The following SLC5A4 variants were observed in gnomAD, a reference collection of about 807,000 sequenced individuals.
SLC5A4 encodes the protein probable glucose sensor protein SLC5A4.
SLC5A4 carries 55 observed loss-of-function variants against 70.3 expected under a neutral mutation model. The observed-to-expected ratio is 0.78, with a 90% confidence interval of 0.63 to 0.98. SLC5A4 has a LOEUF of 0.98. Among genes scored for constraint, SLC5A4 ranks in the 50% least tolerant of loss-of-function variants. The pLI is 0.00. For missense variants in SLC5A4, 735 were observed against 839.2 expected, an observed-to-expected ratio of 0.88 and a Z score of 1.53; for synonymous variants, 268 against 305.7, an observed-to-expected ratio of 0.88 and a Z score of 1.29.
chr22:32,298,971 T>C, the SLC5A4 span, among the ~76,000 whole-genome samples: 2 of 125,944 alleles, frequency 1.6e-5, no homozygotes, highest in African/African-American at 3.1e-5. Flanking sequence ...TTAAGAATGT[T>C]GAATATTGGC....
the SLC5A4 span, among the ~76,000 whole-genome samples, chr22:32,280,799 AG>A: frequency 6.6e-6 from 1 of 152,188 alleles, no homozygotes; most frequent in African/African-American, 2.4e-5. Context: ...GTGGTATTTA[AG>A]CAGTAGTTGG....
At chr22:32,270,793 C>T in the SLC5A4 span, 10 of 599,658 alleles carry the variant, frequency 1.7e-5, no homozygotes, top group East Asian at 6.9e-5. Context: ...TGCCGACGGC[C>T]GCGTCACCAT....
the SLC5A4 span, among the ~76,000 whole-genome samples, chr22:32,313,584 G>T: frequency 6.6e-6 from 1 of 152,174 alleles, no homozygotes; most frequent in Non-Finnish European, 1.5e-5. Context: ...AGGTCTGCTG[G>T]GCACTTATAG....
the SLC5A4 span, among the ~76,000 whole-genome samples, chr22:32,307,932 TAC>T: frequency 8.4e-5 from 11 of 131,252 alleles, no homozygotes; most frequent in South Asian, 5.2e-4. Context: ...CAGGGATTCT[TAC>T]ATGTTTCCAA....
At chr22:32,313,118 T>C in the SLC5A4 span, among the ~76,000 whole-genome samples, 1 of 152,200 alleles carries the variant, frequency 6.6e-6, no homozygotes, top group African/African-American at 2.4e-5. Flanking sequence ...GTGGATAACT[T>C]ACATAGAAAA....
intron 6 of SLC5A4, 70 bp from the exon 7 acceptor site, chr22:32,237,394 G>T: frequency 9.6e-7 from 1 of 1,042,286 alleles, no homozygotes; most frequent in Non-Finnish European, 1.4e-6. Flanking sequence ...TCACCACTGG[G>T]TTCTCCTCCA....
chr22:32,223,539 CT>C (rs1211180901), intron 13 of SLC5A4, among the ~76,000 whole-genome samples: 1 of 152,058 alleles, frequency 6.6e-6, no homozygotes, highest in Non-Finnish European at 1.5e-5. Flanking sequence ...TTCCTGCCCC[CT>C]GGTACCATGT....
chr22:32,272,551 C>T, the SLC5A4 span: 2 of 654,362 alleles, frequency 3.1e-6, no homozygotes, highest in Non-Finnish European at 2.8e-6. Flanking sequence ...GATGCCAAGA[C>T]CCTGGAGGTG....
intron 10 of SLC5A4, 141 bp from the exon 11 acceptor site, chr22:32,229,485 T>C (rs1326911628): frequency 3.6e-6 from 3 of 840,430 alleles, no homozygotes; most frequent in African/African-American, 3.4e-5. Context: ...ATGTGGAGTT[T>C]CCTGCATATT....
intron 9 of SLC5A4, 149 bp from the exon 10 acceptor site, chr22:32,231,224 C>T (rs1485322970): frequency 4.7e-6 from 3 of 641,362 alleles, no homozygotes; most frequent in Admixed American, 2.3e-5. Context: ...TATCATAGAT[C>T]TGGCCCCTCT....
At chr22:32,241,775 ATG>A (rs373261572) in intron 5 of SLC5A4, among the ~76,000 whole-genome samples, 6,749 of 138,840 alleles carry the variant, frequency 0.049, 200 homozygotes, top group African/African-American at 0.1. Flanking sequence ...ACATATATAT[ATG>A]TGTGTGTGTG....
chr22:32,263,417 C>A, the SLC5A4 span, among the ~76,000 whole-genome samples: 14 of 152,090 alleles, frequency 9.2e-5, no homozygotes, highest in Non-Finnish European at 1.8e-4. Flanking sequence ...TGCAGTCTAC[C>A]CATTTATGCG....
chr22:32,224,448 A>G lies in SLC5A4; in HGVS notation c.1484T>C (p.Met495Thr). The G allele has an allele frequency of 1.2e-6, 2 of 1,614,116 alleles. No individual in the cohort carries two copies. The highest frequency in any genetic ancestry group is 1.7e-6 in the Non-Finnish European group (2 of 1,179,986). Residue 495 changes from methionine to threonine, a missense_variant, in exon 13 of 15, where the codon ATG (methionine) becomes ACG (threonine). By Grantham distance (81) the Met-to-Thr change is moderately conservative. Coordinates refer to ENST00000266086, the MANE Select transcript of SLC5A4 (RefSeq NM_014227.3). Reference sequence around the variant, plus strand: ...CTCTGTTATCATACGAATGAGGCCCATTGCAAGTCCAACCATTAGACCCCA... The same window carrying G: ...CTCTGTTATCATACGAATGAGGCCCGTTGCAAGTCCAACCATTAGACCCCA... ...AFWGLMVGLA[M>T]GLIRMITEFA... is the part of the protein sequence containing the mutation.
At chr22:32,240,761 CT>C in intron 5 of SLC5A4, among the ~76,000 whole-genome samples, 1 of 152,198 alleles carries the variant, frequency 6.6e-6, no homozygotes, top group South Asian at 2.1e-4. Context: ...AAAACTGAGG[CT>C]TAGGGAATTT....
the SLC5A4 span, among the ~76,000 whole-genome samples, chr22:32,328,068 A>C: frequency 6.7e-6 from 1 of 149,310 alleles, no homozygotes; most frequent in Non-Finnish European, 1.5e-5. Context: ...CGACGTCCCC[A>C]ACACACACAC....
the SLC5A4 span, among the ~76,000 whole-genome samples, chr22:32,285,726 T>C: frequency 1.3e-5 from 2 of 150,518 alleles, no homozygotes; most frequent in Non-Finnish European, 3.0e-5. Flanking sequence ...TATTTTATTT[T>C]ATTTTTTATT....
At chr22:32,293,807 T>C in the SLC5A4 span, among the ~76,000 whole-genome samples, 1 of 152,268 alleles carries the variant, frequency 6.6e-6, no homozygotes, top group East Asian at 1.9e-4. Context: ...TAGTTATTAG[T>C]TATATATTTT....
chr22:32,249,780 G>T (rs1196155559), intron 3 of SLC5A4, among the ~76,000 whole-genome samples: 1 of 152,232 alleles, frequency 6.6e-6, no homozygotes, highest in Non-Finnish European at 1.5e-5. Flanking sequence ...AAAGCTGTTG[G>T]TGGCACATCC....
rs1569374943 is a variant in SLC5A4, at chr22:32,239,564, ATATAT to A, written c.478-479_478-475del. Among the ~76,000 whole-genome samples, 91 of 20,086 alleles carry A rather than the reference ATATAT, an allele frequency of 4.5e-3. 5 individuals are homozygous for A. Among genetic ancestry groups the A allele is most frequent in the Non-Finnish European group, 6.9e-3 (78 of 11,304 alleles). 13.2% of individuals were successfully genotyped at this position (20,086 alleles called of 152,430 possible). A position where few individuals can be genotyped will look rare whatever the true frequency, so the allele number is the denominator to read the frequency against. On this transcript the variant is annotated intron_variant, in intron 5 of 14. Coordinates refer to ENST00000266086, the MANE Select transcript of SLC5A4 (RefSeq NM_014227.3). ...TATATATATATATATATATATATAT[ATATAT>A]TTATATATATATTTATATATATATA...
Sources: allele counts gnomAD v4.1 joint callset (sites outside exome capture counted in the v4.1 genomes callset), GRCh38; gene constraint gnomAD v4.1.1; transcripts MANE v1.5; gene names NCBI Gene and HGNC (gene_info 2026-07-23, HGNC 2026-07-21).